LPP: variants seen among roughly 807,000 people sequenced by gnomAD.
LPP encodes the protein LIM domain containing preferred translocation partner in lipoma, also known as lipoma-preferred partner.
LPP carries 38 observed loss-of-function variants against 60.4 expected under a neutral mutation model. That is an observed-to-expected ratio of 0.63 (90% CI 0.49 to 0.83). The LOEUF is 0.83. Ranked by LOEUF, LPP falls within the 40% of genes least tolerant of loss-of-function variation. The pLI, the probability that LPP is intolerant of heterozygous loss-of-function variation, is 0.00. For synonymous variants in LPP, 328 were observed against 290.8 expected (o/e 1.13, Z -1.30); for missense variants, 902 against 783.6 (o/e 1.15, Z -1.80).
At chr3:188,602,465 C>T (rs1433784839) in intron 6 of LPP, among the ~76,000 whole-genome samples, 1 of 151,510 alleles carries the variant, frequency 6.6e-6, no homozygotes, top group East Asian at 1.9e-4. Context: ...CATTTTTGCT[C>T]ATTGTACAAA....
At chr3:188,796,704 A>G (rs2151091126) in intron 9 of LPP, among the ~76,000 whole-genome samples, 1 of 152,282 alleles carries the variant, frequency 6.6e-6, no homozygotes, top group African/African-American at 2.4e-5. Context: ...TGCATTTTCT[A>G]CTACATGATT....
intron 6 of LPP, among the ~76,000 whole-genome samples, chr3:188,542,570 C>G (rs1825502315): frequency 1.3e-5 from 2 of 152,112 alleles, no homozygotes; most frequent in Non-Finnish European, 2.9e-5. Context: ...ATTTATGCAT[C>G]TAAACACTTT....
intron 9 of LPP, among the ~76,000 whole-genome samples, chr3:188,835,843 G>A (rs1437449300): frequency 6.6e-6 from 1 of 152,178 alleles, no homozygotes; most frequent in Non-Finnish European, 1.5e-5. Flanking sequence ...CCTGAATCAA[G>A]GACAAGCCTT....
At chr3:188,755,863 A>C (rs931493681) in intron 8 of LPP, among the ~76,000 whole-genome samples, 7 of 120,168 alleles carry the variant, frequency 5.8e-5, no homozygotes, top group Non-Finnish European at 8.7e-5. Flanking sequence ...AAAAAAAAAA[A>C]AACAAAGAAA....
Position 188,872,778 on chromosome 3 carries a change from C to T in LPP, c.1710+15C>T. ...ACCGATGCGAGGTCTGGTTGACAGC[C>T]CTGCCCTGCCAGTCTGTGGCAGGCG... On this transcript the variant is annotated intron_variant, in intron 11 of 11. Transcript: ENST00000617246. 1 of 1,613,248 alleles carries T rather than the reference C, an allele frequency of 6.2e-7. No homozygotes were observed. Among genetic ancestry groups the T allele is most frequent in the Non-Finnish European group, 8.5e-7 (1 of 1,179,804 alleles).
intron 9 of LPP, among the ~76,000 whole-genome samples, chr3:188,800,241 G>GCTTT (rs1746652792): frequency 1.1e-5 from 1 of 87,602 alleles, no homozygotes; most frequent in Non-Finnish European, 2.3e-5. Context: ...AAATGTTGAA[G>GCTTT]CTTTCTTTTT....
chr3:188,647,823 AT>A (rs1007820951), intron 7 of LPP, among the ~76,000 whole-genome samples: 3 of 152,098 alleles, frequency 2.0e-5, no homozygotes, highest in Non-Finnish European at 4.4e-5. Flanking sequence ...ACTTTAGCAT[AT>A]TTTTCTCAAA....
intron 5 of LPP, among the ~76,000 whole-genome samples, chr3:188,522,813 A>ATATGTG (rs1819296225): frequency 2.3e-5 from 3 of 129,336 alleles, no homozygotes; most frequent in Admixed American, 1.6e-4. Flanking sequence ...ATATATATAT[A>ATATGTG]TATGTGTATG....
At chr3:188,343,112 C>T (rs1413647022) in intron 3 of LPP, among the ~76,000 whole-genome samples, 1 of 151,984 alleles carries the variant, frequency 6.6e-6, no homozygotes, top group African/African-American at 2.4e-5. Flanking sequence ...GCACCCTATC[C>T]ACCCATCATC....
chr3:188,545,571 G>C (rs370761362), intron 6 of LPP, among the ~76,000 whole-genome samples: 3 of 152,014 alleles, frequency 2.0e-5, no homozygotes, highest in Non-Finnish European at 4.4e-5. Flanking sequence ...CATGTGCCTC[G>C]ATTTGGGTGC....
intron 3 of LPP, among the ~76,000 whole-genome samples, chr3:188,375,491 T>G (rs1578431941): frequency 1.3e-5 from 2 of 152,186 alleles, no homozygotes; most frequent in Admixed American, 1.3e-4. Flanking sequence ...TAGTTTATTT[T>G]AGAAGAGGTG....
intron 7 of LPP, among the ~76,000 whole-genome samples, chr3:188,656,036 A>C (rs1392077171): frequency 6.6e-6 from 1 of 151,286 alleles, no homozygotes; most frequent in Non-Finnish European, 1.5e-5. Flanking sequence ...CTAATAATAC[A>C]AAAAAAATAG....
At chr3:188,459,916 T>C (rs577720286) in intron 4 of LPP, among the ~76,000 whole-genome samples, 1 of 152,314 alleles carries the variant, frequency 6.6e-6, no homozygotes, top group South Asian at 2.1e-4. Flanking sequence ...CAGTTTCTCA[T>C]GTTTCTTATG....
intron 3 of LPP, among the ~76,000 whole-genome samples, chr3:188,355,435 T>A (rs762077422): frequency 2.6e-5 from 4 of 152,140 alleles, no homozygotes; most frequent in Non-Finnish European, 4.4e-5. Context: ...ATTCCATTAC[T>A]CTTGAAATCC....
Position 188,462,587 on chromosome 3 carries a change from CATGTGTGTGTGTGTGTGT to C in LPP, c.194-22004_194-21987del, listed in dbSNP as rs1206704623. Among the ~76,000 whole-genome samples the C allele has an allele frequency of 1.4e-4, 6 of 43,164 alleles. No individual in the cohort carries two copies. The South Asian group carries it at 3.3e-3, about 24-fold the overall frequency. The allele number at this position is 43,164 out of a possible 152,430, so 28.3% of individuals were successfully genotyped here. Reference sequence around the variant, plus strand: ...ATATATATATATATATATATATATGCATGTGTGTGTGTGTGTGTGTGTGTGTGTGTGTGTGTGTGTGTG... The same window carrying C: ...ATATATATATATATATATATATATGCGTGTGTGTGTGTGTGTGTGTGTGTG... On this transcript the variant is annotated intron_variant, in intron 4 of 11. Coordinates refer to ENST00000617246, the MANE Select transcript of LPP (RefSeq NM_001375462.1).
intron 1 of LPP, among the ~76,000 whole-genome samples, chr3:188,176,372 G>A (rs765904962): frequency 3.3e-5 from 5 of 152,054 alleles, no homozygotes; most frequent in Non-Finnish European, 7.4e-5. Context: ...AATGAGGCCT[G>A]GAAATAGAAA....
chr3:188,155,007 A>C (rs1715788933), intron 1 of LPP, among the ~76,000 whole-genome samples: 1 of 152,218 alleles, frequency 6.6e-6, no homozygotes, highest in African/African-American at 2.4e-5. Context: ...TTGGAGGAAG[A>C]CATCTCTTCG....
chr3:188,262,763 C>T (rs114586966), intron 2 of LPP, among the ~76,000 whole-genome samples: 3 of 151,526 alleles, frequency 2.0e-5, no homozygotes, highest in African/African-American at 4.8e-5. Context: ...AAAAATCACT[C>T]GAGTTAAGAA....
chr3:188,777,802 G>A (rs1326046498), intron 9 of LPP, among the ~76,000 whole-genome samples: 1 of 152,174 alleles, frequency 6.6e-6, no homozygotes, highest in Admixed American at 6.5e-5. Context: ...GGGTATAACA[G>A]ATTTTTATTT....
Sources: gnomAD v4.1 joint callset for allele counts (sites outside exome capture counted in the v4.1 genomes callset) on GRCh38, gnomAD v4.1.1 for gene constraint, MANE v1.5 for transcripts, NCBI Gene and HGNC (gene_info 2026-07-23, HGNC 2026-07-21) for gene names.